Variants in CNTN5 observed in about 807,000 individuals in gnomAD.
CNTN5 encodes the protein contactin 5.
In CNTN5, 77 loss-of-function variants were observed where a neutral mutation model predicts 129.1. The observed-to-expected ratio is 0.60, with a 90% CI of 0.50 to 0.72. The LOEUF (loss-of-function observed/expected upper bound fraction) is 0.72. Ranked by LOEUF, CNTN5 falls within the 30% of genes least tolerant of loss-of-function variation. CNTN5 has a pLI of 0.00. For missense variants in CNTN5, 1,478 were observed against 1,328.8 expected (o/e 1.11, Z -1.75); for synonymous variants, 509 against 465.6 (o/e 1.09, Z -1.20).
At chr11:99,936,959 T>C (rs1177578129) in intron 7 of CNTN5, among the ~76,000 whole-genome samples, 2 of 152,010 alleles carry the variant, frequency 1.3e-5, no homozygotes, top group Admixed American at 1.3e-4. Context: ...ATCGATGGAG[T>C]TCTTACCACA....
chr11:99,374,927 G>A (rs1200234066), intron 2 of CNTN5, among the ~76,000 whole-genome samples: 1 of 152,172 alleles, frequency 6.6e-6, no homozygotes, highest in Non-Finnish European at 1.5e-5. Flanking sequence ...ATACTAGCAG[G>A]AAAATGGTTC....
At chr11:99,566,680 A>C (rs888482926) in intron 3 of CNTN5, among the ~76,000 whole-genome samples, 5 of 152,192 alleles carry the variant, frequency 3.3e-5, no homozygotes, top group Admixed American at 1.3e-4. Flanking sequence ...TATGAGTCTG[A>C]CTATTTCCTG....
rs184301174 is a variant in CNTN5, at chr11:99,279,936, G to A, written c.-209-45410G>A. On this transcript the variant is annotated intron_variant, in intron 1 of 24. Transcript: ENST00000524871. ...TCTGCGTCATGGGGAAAGAGGGGGA[G>A]ACACAATCTGAGGTTTCTAGGCAAC... 9.3e-4 allele frequency among the ~76,000 whole-genome samples: 141 copies of A among 151,172 alleles called. 1 individual carries two copies. The highest frequency in any genetic ancestry group is 8.9e-5 in the Non-Finnish European group (6 of 67,670).
At chr11:99,973,673 A>G (rs1937735011) in intron 8 of CNTN5, among the ~76,000 whole-genome samples, 1 of 152,164 alleles carries the variant, frequency 6.6e-6, no homozygotes, top group African/African-American at 2.4e-5. Context: ...AAAATTGAGT[A>G]ATGTATGGTG....
intron 23 of CNTN5, among the ~76,000 whole-genome samples, chr11:100,343,890 A>C (rs1244644492): frequency 6.6e-6 from 1 of 152,056 alleles, no homozygotes; most frequent in Non-Finnish European, 1.5e-5. Flanking sequence ...AATGTGTGTC[A>C]CTTACAAAAA....
intron 7 of CNTN5, among the ~76,000 whole-genome samples, chr11:99,936,454 T>G (rs371495142): frequency 3.9e-5 from 6 of 152,160 alleles, no homozygotes; most frequent in African/African-American, 1.4e-4. Context: ...TTATCCTTAT[T>G]TTCAAAAGGA....
chr11:99,430,387 A>G (rs1943313340), intron 2 of CNTN5, among the ~76,000 whole-genome samples: 1 of 97,852 alleles, frequency 1.0e-5, no homozygotes, highest in South Asian at 3.1e-4. Context: ...GCATGTGTGT[A>G]TATACATATA....
chr11:99,078,696 A>G (rs534634069), intron 1 of CNTN5, among the ~76,000 whole-genome samples: 111 of 152,314 alleles, frequency 7.3e-4, no homozygotes, highest in Middle Eastern at 3.4e-3. Flanking sequence ...GCACAGAAAG[A>G]CAAACTACAT....
intron 2 of CNTN5, among the ~76,000 whole-genome samples, chr11:99,555,753 A>G (rs1948643770): frequency 6.6e-6 from 1 of 151,948 alleles, no homozygotes; most frequent in South Asian, 2.1e-4. Flanking sequence ...GTTATGCTCT[A>G]GACCAAAGGA....
chr11:100,038,636 A>G (rs1310242948), intron 9 of CNTN5, among the ~76,000 whole-genome samples: 1 of 152,064 alleles, frequency 6.6e-6, no homozygotes, highest in Non-Finnish European at 1.5e-5. Flanking sequence ...GACTTGCTTT[A>G]TGAATCTGGG....
intron 7 of CNTN5, among the ~76,000 whole-genome samples, chr11:99,933,377 G>A (rs975775081): frequency 1.3e-5 from 2 of 152,054 alleles, no homozygotes; most frequent in African/African-American, 2.4e-5. Context: ...ATGAACATCA[G>A]CAACTTTTAA....
chr11:99,107,362 AG>A (rs1318737730), intron 1 of CNTN5, among the ~76,000 whole-genome samples: 3 of 152,172 alleles, frequency 2.0e-5, no homozygotes, highest in Admixed American at 2.0e-4. Flanking sequence ...TTTTTAAAAT[AG>A]ATTTTTAAAA....
chr11:99,256,042 CAGAT>C (rs1862362730), intron 1 of CNTN5, among the ~76,000 whole-genome samples: 1 of 152,010 alleles, frequency 6.6e-6, no homozygotes, highest in South Asian at 2.1e-4. Context: ...CATTAAATGA[CAGAT>C]AGTATTTTCT....
intron 13 of CNTN5, among the ~76,000 whole-genome samples, chr11:100,124,679 C>A (rs1404170957): frequency 1.3e-5 from 2 of 152,018 alleles, no homozygotes; most frequent in Non-Finnish European, 2.9e-5. Context: ...CAGCAAAAGA[C>A]ATTTATCTTC....
chr11:100,281,051 G>C (rs1018239488), intron 18 of CNTN5, among the ~76,000 whole-genome samples: 3 of 151,920 alleles, frequency 2.0e-5, no homozygotes, highest in Non-Finnish European at 4.4e-5. Context: ...CTATGTATTT[G>C]AATGTTGTTG....
At chr11:99,271,655 G>A (rs1379214208) in intron 1 of CNTN5, among the ~76,000 whole-genome samples, 2 of 151,826 alleles carry the variant, frequency 1.3e-5, no homozygotes, top group Non-Finnish European at 2.9e-5. Context: ...GGCTGGGGCT[G>A]TAGTGATCCA....
intron 1 of CNTN5, among the ~76,000 whole-genome samples, chr11:99,246,283 C>T: frequency 6.7e-6 from 1 of 150,324 alleles, no homozygotes. Context: ...TTAAAGTGAT[C>T]TGAATTACAC....
chr11:99,946,349 A>C (rs1261873390), intron 7 of CNTN5, among the ~76,000 whole-genome samples: 1 of 152,144 alleles, frequency 6.6e-6, no homozygotes, highest in African/African-American at 2.4e-5. Context: ...ATTAACCTAC[A>C]AACTAGGAAC....
chr11:100,203,499 AT>A (rs1364627403), intron 15 of CNTN5, among the ~76,000 whole-genome samples: 2 of 152,110 alleles, frequency 1.3e-5, no homozygotes, highest in Non-Finnish European at 2.9e-5. Flanking sequence ...CATTTACAGC[AT>A]TGTTTTATGC....
Sources: allele counts gnomAD v4.1 joint callset (sites outside exome capture counted in the v4.1 genomes callset), GRCh38; gene constraint gnomAD v4.1.1; transcripts MANE v1.5; gene names NCBI Gene and HGNC (gene_info 2026-07-23, HGNC 2026-07-21).